GRK5: variants seen among roughly 807,000 people sequenced by gnomAD.
GRK5 encodes g protein-coupled receptor kinase GRK5.
Under a neutral mutation model 78.4 loss-of-function variants are expected in GRK5, and 40 were observed. The observed-to-expected ratio is 0.51, with a 90% CI of 0.40 to 0.66. The LOEUF (loss-of-function observed/expected upper bound fraction) is 0.66. Among genes scored for constraint, GRK5 ranks in the 30% least tolerant of loss-of-function variants. The pLI, the probability that GRK5 is intolerant of heterozygous loss-of-function variation, is 0.00. For missense variants in GRK5, 598 were observed against 759.9 expected (o/e 0.79, Z 2.50); for synonymous variants, 289 against 296.8 (o/e 0.97, Z 0.27).
chr10:119,412,972 C>T lies in GRK5; in HGVS notation c.340-10194C>T, dbSNP rs1307329918. ...TGGCCGTGTGAAGAGCACTTGGAGG[C>T]CTCCTGCTCACCTGGCCTAAGCCCC... On this transcript the variant is annotated intron_variant, in intron 4 of 15. Transcript: ENST00000392870. The surrounding 1 kb of genome is among the most constrained non-coding windows in gnomAD (Gnocchi z 4.3). 2.6e-5 allele frequency among the ~76,000 whole-genome samples: 4 copies of T among 152,196 alleles called. No individual in the cohort carries two copies. Among genetic ancestry groups the T allele is most frequent in the Admixed American group, 2.6e-4 (4 of 15,284 alleles).
intron 8 of GRK5, among the ~76,000 whole-genome samples, chr10:119,434,081 T>G (rs1852874327): frequency 2.0e-5 from 3 of 152,154 alleles, no homozygotes; most frequent in Admixed American, 1.3e-4. Flanking sequence ...ATGAGACTTA[T>G]TCACTACTAT....
chr10:119,340,434 C>T (rs1274556242), intron 2 of GRK5, among the ~76,000 whole-genome samples: 1 of 152,212 alleles, frequency 6.6e-6, no homozygotes, highest in Non-Finnish European at 1.5e-5. Flanking sequence ...AGCCCCAAAA[C>T]TTACTTTTAA....
intron 1 of GRK5, among the ~76,000 whole-genome samples, chr10:119,278,923 G>A (rs893019636): frequency 1.3e-5 from 2 of 152,160 alleles, no homozygotes; most frequent in African/African-American, 4.8e-5. Flanking sequence ...TGTTGCCCAG[G>A]CTGGAGTGCA....
intron 3 of GRK5, among the ~76,000 whole-genome samples, chr10:119,392,488 T>G (rs1421970336): frequency 3.3e-5 from 5 of 152,198 alleles, no homozygotes; most frequent in Non-Finnish European, 7.3e-5. Flanking sequence ...CTGCAACCTC[T>G]GCCTCCCGAG....
chr10:119,424,991 A>C lies in GRK5; in HGVS notation c.441-2A>C. On this transcript the variant is annotated splice_acceptor_variant, in intron 5 of 15. Transcript: ENST00000392870. LOFTEE classifies it high-confidence loss of function. ...TTCATCCTCTTGTTCCATCTGCACTAGGTCTGTCCACGAGTACCTGAGGGG... is the reference window on the plus strand; with the variant it reads ...TTCATCCTCTTGTTCCATCTGCACTCGGTCTGTCCACGAGTACCTGAGGGG... The C allele has an allele frequency of 6.3e-7, 1 of 1,598,456 alleles. No homozygotes were observed. The highest frequency in any genetic ancestry group is 8.6e-7 in the Non-Finnish European group (1 of 1,165,766).
At position 119,287,599 on chromosome 10, in the gene GRK5, CT is replaced by C. The variant is rs1476936592; in HGVS notation, c.53-38909del. ...TCTGGGCTTAGAATTCTTTTCTCTT[CT>C]TTTTTTTCTTGTAGAAATTATATTT... On this transcript the variant is annotated intron_variant, in intron 1 of 15. Coordinates refer to ENST00000392870, the MANE Select transcript of GRK5 (RefSeq NM_005308.3). 1.4e-4 allele frequency among the ~76,000 whole-genome samples: 22 copies of C among 152,182 alleles called. 1 individual carries two copies. In the South Asian group the frequency reaches 4.6e-3, roughly 32 times the overall value.
chr10:119,437,882 G>GA (rs1358722199), intron 9 of GRK5, among the ~76,000 whole-genome samples: 1 of 152,204 alleles, frequency 6.6e-6, no homozygotes, highest in African/African-American at 2.4e-5. Flanking sequence ...CGGATCACCT[G>GA]AGGTCAGTGG....
intron 2 of GRK5, among the ~76,000 whole-genome samples, chr10:119,327,359 T>A (rs1488736941): frequency 3.3e-5 from 5 of 152,164 alleles, no homozygotes; most frequent in Non-Finnish European, 7.4e-5. Flanking sequence ...CCAGAGTGTT[T>A]GGGGTCCCGG....
At chr10:119,354,670 G>A (rs1851239931) in intron 2 of GRK5, among the ~76,000 whole-genome samples, 1 of 152,092 alleles carries the variant, frequency 6.6e-6, no homozygotes, top group African/African-American at 2.4e-5. Flanking sequence ...CCAAAGTGCT[G>A]GGATTGCAGC....
At chr10:119,370,762 C>T (rs1427496237) in intron 2 of GRK5, among the ~76,000 whole-genome samples, 1 of 152,168 alleles carries the variant, frequency 6.6e-6, no homozygotes, top group Non-Finnish European at 1.5e-5. Context: ...TGAAATACGG[C>T]AGAGTAGAGG....
At chr10:119,270,192 A>C (rs927891514) in intron 1 of GRK5, among the ~76,000 whole-genome samples, 3 of 152,316 alleles carry the variant, frequency 2.0e-5, no homozygotes, top group Middle Eastern at 3.4e-3. Context: ...TCTTCATCAC[A>C]GTCCTCTGTT....
intron 2 of GRK5, among the ~76,000 whole-genome samples, chr10:119,356,226 A>G (rs1442153414): frequency 2.6e-5 from 4 of 152,222 alleles, no homozygotes; most frequent in African/African-American, 4.8e-5. Context: ...CAGGCAGAGT[A>G]TTTCATTATT....
intron 4 of GRK5, among the ~76,000 whole-genome samples, chr10:119,416,292 G>A (rs764431960): frequency 1.2e-4 from 18 of 152,380 alleles, no homozygotes; most frequent in East Asian, 1.9e-4. Context: ...GAGCAGTGCC[G>A]GGAGAGCAGG....
chr10:119,389,121 C>T (rs1049095506), intron 3 of GRK5, among the ~76,000 whole-genome samples: 6 of 152,100 alleles, frequency 3.9e-5, no homozygotes, highest in African/African-American at 7.2e-5. Flanking sequence ...TGGAGGCAGG[C>T]GACTACAAAT....
chr10:119,436,159 T>C (rs944009414), intron 8 of GRK5, among the ~76,000 whole-genome samples: 12 of 152,212 alleles, frequency 7.9e-5, no homozygotes. Context: ...CCATATCAAC[T>C]AGGCACATCC....
chr10:119,399,501 A>G (rs1181028019), intron 4 of GRK5, among the ~76,000 whole-genome samples: 1 of 152,166 alleles, frequency 6.6e-6, no homozygotes, highest in African/African-American at 2.4e-5. Context: ...CTCAGTATGT[A>G]GCTTGTGTGT....
intron 1 of GRK5, among the ~76,000 whole-genome samples, chr10:119,245,819 C>T (rs944702153): frequency 1.3e-4 from 20 of 151,624 alleles, no homozygotes; most frequent in Admixed American, 2.6e-4. Context: ...AGATTGAGAC[C>T]ATCCTGGCTA....
intron 9 of GRK5, among the ~76,000 whole-genome samples, chr10:119,439,112 T>G (rs915117): frequency 6.6e-6 from 1 of 152,208 alleles, no homozygotes; most frequent in Non-Finnish European, 1.5e-5. Flanking sequence ...GGCTCTCCCC[T>G]CATCCTGGGA....
intron 1 of GRK5, among the ~76,000 whole-genome samples, chr10:119,259,843 T>C (rs185246656): frequency 2.3e-4 from 35 of 152,358 alleles, no homozygotes; most frequent in African/African-American, 7.9e-4. Flanking sequence ...GCGGCTACCA[T>C]AGTGGACAGC....
Sources: gnomAD v4.1 joint callset for allele counts (sites outside exome capture counted in the v4.1 genomes callset) on GRCh38, gnomAD v4.1.1 for gene constraint, Gnocchi (gnomAD v3.1) non-coding constraint, MANE v1.5 for transcripts, NCBI Gene and HGNC (gene_info 2026-07-23, HGNC 2026-07-21) for gene names.